The following LMBRD2 variants were observed in gnomAD, a reference collection of about 807,000 sequenced individuals.
LMBRD2 encodes G protein-coupled receptor-associated protein LMBRD2.
A neutral mutation model predicts 94.4 loss-of-function variants in LMBRD2; 55 were observed. The ratio of observed to expected loss-of-function variants is 0.58; its 90% CI spans 0.47 to 0.73. The LOEUF is 0.73. LMBRD2 is among the 30% of genes least tolerant of loss of function. LMBRD2 has a pLI of 0.00. For synonymous variants in LMBRD2, 246 were observed against 272.4 expected (o/e 0.90, Z 0.95); for missense variants, 640 against 831.9 (o/e 0.77, Z 2.84).
intron 9 of LMBRD2, among the ~76,000 whole-genome samples, chr5:36,121,938 T>G (rs535162341): frequency 3.3e-5 from 5 of 152,312 alleles, no homozygotes; most frequent in African/African-American, 1.2e-4. Flanking sequence ...ATGATGCTCA[T>G]GCAGTGATGA....
rs765926955 is a variant in LMBRD2 at position 36,117,841 on chromosome 5, A to G, written c.1196T>C (p.Ile399Thr). The G allele has an allele frequency of 5.0e-6, 8 of 1,613,938 alleles. No homozygotes were observed. Among genetic ancestry groups the G allele is most frequent in the Non-Finnish European group, 2.5e-6 (3 of 1,179,826 alleles). The change falls in exon 10 of 18, where the codon ATT (isoleucine) becomes ACT (threonine). Residue 399 changes from isoleucine to threonine, a missense_variant. Around this residue, in one of 2 missense-constraint regions of LMBRD2, gnomAD observed 457 missense variants for 642.8 expected, o/e 0.71. Coordinates refer to ENST00000296603, the MANE Select transcript of LMBRD2 (RefSeq NM_001007527.2). ...GAATGTGCACTCTGACCACACAACA[A>G]TCACAGAGAAGATGGACAGAACCAC... ...LAVVLSIFSV[I>T]VVWSECTFFS...
At chr5:36,116,661 C>A (rs1581046586) in intron 10 of LMBRD2, 68 bp from the exon 11 acceptor site, 1 of 1,426,478 alleles carries the variant, frequency 7.0e-7, no homozygotes, top group East Asian at 2.3e-5. Context: ...CAATTACAGG[C>A]ATTATCCTTC....
Position 36,122,316 on chromosome 5 carries a change from T to C in LMBRD2, c.1084A>G (p.Asn362Asp). ...TTATAAAAATATTGGATAAATCGATTTTCTGGCTCTGGCGATTGAAAGGTG... is the reference window on the plus strand; with the variant it reads ...TTATAAAAATATTGGATAAATCGATCTTCTGGCTCTGGCGATTGAAAGGTG... ...VHTFQSPEPE[N>D]RFIQYFYNPT... The change falls in exon 9 of 18, where the codon AAT becomes GAT. Residue 362 changes from asparagine to aspartate, a missense_variant. By Grantham distance (23) the Asn-to-Asp change is conservative (BLOSUM62 1). Around this residue, in one of 2 missense-constraint regions of LMBRD2, gnomAD observed 457 missense variants for 642.8 expected, o/e 0.71. Transcript: ENST00000296603. The C allele has an allele frequency of 6.2e-7, 1 of 1,604,288 alleles. No individual in the cohort carries two copies. The highest frequency in any genetic ancestry group is 1.1e-5 in the South Asian group (1 of 88,700).
chr5:36,132,964 C>G (rs1006416104), intron 6 of LMBRD2, among the ~76,000 whole-genome samples: 1 of 148,888 alleles, frequency 6.7e-6, no homozygotes, highest in African/African-American at 2.5e-5. Context: ...ATTAGTACAA[C>G]TACTATGGAG....
chr5:36,125,138 G>A (rs1400701329), intron 6 of LMBRD2, among the ~76,000 whole-genome samples: 1 of 152,048 alleles, frequency 6.6e-6, no homozygotes, highest in African/African-American at 2.4e-5. Context: ...GAGTATAAAA[G>A]GCACAAAAGG....
chr5:36,142,703 G>T, intron 2 of LMBRD2, 104 bp from the exon 3 acceptor site: 1 of 634,026 alleles, frequency 1.6e-6, no homozygotes, highest in Non-Finnish European at 2.8e-6. Flanking sequence ...TACCTTCTTG[G>T]CTATGCTTTA....
chr5:36,150,850 C>T (rs979169658), intron 1 of LMBRD2, among the ~76,000 whole-genome samples: 3 of 152,202 alleles, frequency 2.0e-5, no homozygotes, highest in Non-Finnish European at 4.4e-5. Context: ...CATATACCTG[C>T]ACAAGGGAGG....
rs1743690535 is a variant in LMBRD2, at chr5:36,114,456, C to T, written c.1608G>A (p.Leu536=). The stretch of plus-strand genomic sequence containing the variant: ...AAGTAGCAATGCAGAGAATTACCAC[C>T]AACATAGGATAATATATATAGAATC... ...ADGFYIYYPM[L]VVILCIATYF... Residue 536 remains leucine, a synonymous_variant, in exon 13 of 18, where the codon TTG becomes TTA. Transcript: ENST00000296603. 1.3e-6 allele frequency: 2 copies of T among 1,559,982 alleles called. No individual in the cohort carries two copies. The highest frequency in any genetic ancestry group is 1.7e-6 in the Non-Finnish European group (2 of 1,159,230).
intron 8 of LMBRD2, 35 bp from the exon 9 acceptor site, chr5:36,122,498 T>A: frequency 6.4e-7 from 1 of 1,564,390 alleles, no homozygotes; most frequent in Non-Finnish European, 8.7e-7. Flanking sequence ...CTGGCAGTGT[T>A]CTGATCCAAC....
At chr5:36,124,558 A>G (rs1040438982) in intron 6 of LMBRD2, among the ~76,000 whole-genome samples, 1 of 152,190 alleles carries the variant, frequency 6.6e-6, no homozygotes, top group African/African-American at 2.4e-5. Flanking sequence ...GATCAGACAA[A>G]CTTTATGGTC....
intron 4 of LMBRD2, among the ~76,000 whole-genome samples, chr5:36,139,709 C>T (rs902712141): frequency 5.9e-5 from 9 of 152,292 alleles, no homozygotes; most frequent in Admixed American, 3.9e-4. Flanking sequence ...GCTGCACAGA[C>T]GATTGGGATA....
chr5:36,151,521 A>C lies in LMBRD2; in HGVS notation c.-58+35T>G, dbSNP rs1744712503. 1 of 152,388 alleles carries C rather than the reference A, an allele frequency of 6.6e-6. No homozygotes were observed. 9.4% of individuals were successfully genotyped at this position (152,388 alleles called of 1,614,324 possible). A position where few individuals can be genotyped will look rare whatever the true frequency, so the allele number is the denominator to read the frequency against. On this transcript the variant is annotated intron_variant, in intron 1 of 17. Coordinates refer to ENST00000296603, the MANE Select transcript of LMBRD2 (RefSeq NM_001007527.2). This position sits in a 1 kb window ranked among gnomAD's most constrained non-coding sequence, Gnocchi z 4.7. ...GAAGAAGCTTCCTGGCAAAAGGACG[A>C]ACAGGTGCGACGCCAGCAGTTCGCA...
chr5:36,101,054 A>T lies in LMBRD2; in HGVS notation c.*2992T>A, dbSNP rs1743336590. The T allele has an allele frequency of 1.3e-5, 2 of 151,916 alleles. No individual in the cohort carries two copies. The highest frequency in any genetic ancestry group is 2.9e-5 in the Non-Finnish European group (2 of 67,868). 9.4% of individuals were successfully genotyped at this position (151,916 alleles called of 1,614,324 possible). On this transcript the variant is annotated 3_prime_UTR_variant, in exon 18 of 18. Coordinates refer to ENST00000296603, the MANE Select transcript of LMBRD2 (RefSeq NM_001007527.2). ...AATGTCTGGATTGTCAAATTTTCTGATCTATTCTTTATAAAGGGAAAACCC... is the reference window on the plus strand; with the variant it reads ...AATGTCTGGATTGTCAAATTTTCTGTTCTATTCTTTATAAAGGGAAAACCC...
chr5:36,109,219 C>A (rs1404479503), intron 15 of LMBRD2, among the ~76,000 whole-genome samples: 1 of 152,072 alleles, frequency 6.6e-6, no homozygotes, highest in Non-Finnish European at 1.5e-5. Flanking sequence ...TTGCCAGATG[C>A]TTTTTGGCTC....
intron 16 of LMBRD2, 69 bp from the exon 17 acceptor site, chr5:36,105,266 G>A: frequency 1.4e-6 from 2 of 1,388,652 alleles, no homozygotes; most frequent in East Asian, 2.4e-5. Flanking sequence ...AGTCTATGGA[G>A]GTACAGAAAG....
At chr5:36,123,040 T>C in intron 7 of LMBRD2, 79 bp from the exon 8 acceptor site, 1 of 1,316,292 alleles carries the variant, frequency 7.6e-7, no homozygotes, top group South Asian at 1.8e-5. Context: ...AAATCTTTCA[T>C]TCTTGAGCAG....
Position 36,108,457 on chromosome 5 carries a change from G to A in LMBRD2, c.1897+77C>T. 3 of 625,304 alleles carry A rather than the reference G, an allele frequency of 4.8e-6. No homozygotes were observed. The East Asian group carries it at 8.5e-5, about 18-fold the overall frequency. The allele number at this position is 625,304 out of a possible 1,614,324, so 38.7% of individuals were successfully genotyped here. A position where few individuals can be genotyped will look rare whatever the true frequency, so the allele number is the denominator to read the frequency against. On this transcript the variant is annotated intron_variant, in intron 16 of 17. Coordinates refer to ENST00000296603, the MANE Select transcript of LMBRD2 (RefSeq NM_001007527.2). The stretch of plus-strand genomic sequence containing the variant: ...TCTACAAAGGCATTTCTGGATGTGT[G>A]TATTCTAACACTCAATCTCTATGCA...
intron 15 of LMBRD2, among the ~76,000 whole-genome samples, chr5:36,109,082 G>A (rs1411093578): frequency 6.6e-6 from 1 of 152,092 alleles, no homozygotes; most frequent in Non-Finnish European, 1.5e-5. Context: ...GGCATTGTGT[G>A]TTATCTTAAA....
chr5:36,134,496 T>C (rs1744223804), intron 6 of LMBRD2, among the ~76,000 whole-genome samples: 1 of 152,074 alleles, frequency 6.6e-6, no homozygotes, highest in Non-Finnish European at 1.5e-5. Flanking sequence ...TAAGTTAAGA[T>C]GAGGTTATAC....
Sources: allele counts gnomAD v4.1 joint callset (sites outside exome capture counted in the v4.1 genomes callset), GRCh38; gene constraint gnomAD v4.1.1; regional missense constraint gnomAD v4.1.1; non-coding constraint Gnocchi (gnomAD v3.1); transcripts MANE v1.5; gene names NCBI Gene and HGNC (gene_info 2026-07-23, HGNC 2026-07-21).